Variants in GPC5 observed in about 807,000 individuals in gnomAD.
GPC5 encodes the protein glypican 5.
A neutral mutation model predicts 53.9 loss-of-function variants in GPC5; 47 were observed. The ratio of observed to expected loss-of-function variants is 0.87; its 90% confidence interval spans 0.69 to 1.11. The LOEUF (loss-of-function observed/expected upper bound fraction) is 1.11. Among genes scored for constraint, GPC5 ranks in the 50% most tolerant of loss-of-function variants. The probability of loss-of-function intolerance (pLI) is 0.00; values close to 1 mark genes in which losing one functional copy is unlikely to be tolerated. For missense variants in GPC5, 748 were observed against 713.1 expected (o/e 1.05, Z -0.56); for synonymous variants, 286 against 263.3 (o/e 1.09, Z -0.84).
intron 2 of GPC5, among the ~76,000 whole-genome samples, chr13:91,454,363 A>G (rs1594110341): frequency 6.6e-6 from 1 of 152,186 alleles, no homozygotes; most frequent in Middle Eastern, 3.4e-3. Context: ...CTAAGAAGTA[A>G]ACTTTTAGTT....
At chr13:91,772,614 G>A (rs2037644115) in intron 5 of GPC5, among the ~76,000 whole-genome samples, 2 of 152,188 alleles carry the variant, frequency 1.3e-5, no homozygotes, top group Non-Finnish European at 2.9e-5. Flanking sequence ...TAGAGAAGAA[G>A]GAAGATATTT....
At chr13:92,218,112 G>C (rs71427537) in intron 7 of GPC5, among the ~76,000 whole-genome samples, 2 of 151,750 alleles carry the variant, frequency 1.3e-5, no homozygotes, top group South Asian at 2.1e-4. Context: ...AAATTTAGTA[G>C]AGATGGCGTC....
At chr13:91,532,315 A>G (rs543228375) in intron 2 of GPC5, among the ~76,000 whole-genome samples, 8 of 152,226 alleles carry the variant, frequency 5.3e-5, no homozygotes, top group Non-Finnish European at 8.8e-5. Flanking sequence ...GAATGATTCT[A>G]AATGGAAACA....
At chr13:92,732,600 A>AAG (rs1888837783) in intron 7 of GPC5, among the ~76,000 whole-genome samples, 1 of 151,644 alleles carries the variant, frequency 6.6e-6, no homozygotes, top group Non-Finnish European at 1.5e-5. Context: ...AAAGTTAGCA[A>AAG]ATGAAAGAAA....
At chr13:91,496,815 G>A (rs1409712948) in intron 2 of GPC5, among the ~76,000 whole-genome samples, 4 of 152,038 alleles carry the variant, frequency 2.6e-5, no homozygotes, top group Admixed American at 2.0e-4. Context: ...ATGCTTGAGG[G>A]GATGGATACC....
intron 2 of GPC5, among the ~76,000 whole-genome samples, chr13:91,575,663 T>C (rs989391999): frequency 6.6e-6 from 1 of 152,178 alleles, no homozygotes; most frequent in Non-Finnish European, 1.5e-5. Flanking sequence ...CCTCTGTGTA[T>C]GTTAATTAGA....
chr13:92,139,599 A>G (rs10851324), intron 6 of GPC5, among the ~76,000 whole-genome samples: 85,909 of 149,016 alleles, frequency 0.58, 24,951 homozygotes, highest in Non-Finnish European at 0.61. Flanking sequence ...CCTGGGAGGC[A>G]GAGGTTGCAG....
In GPC5 at chr13:91,551,784, G is replaced by A. The variant is rs183340241; in HGVS notation, c.325+102862G>A. Among the ~76,000 whole-genome samples, 67 of 152,174 alleles carry A rather than the reference G, an allele frequency of 4.4e-4. 2 individuals are homozygous for A. The highest frequency in any genetic ancestry group is 1.0e-4 in the Non-Finnish European group (7 of 67,972). ...AGAATGTATTTGGTTCTTAACACTAGGAGAGAAAGAGCAACATTATTCATG... is the reference window on the plus strand; with the variant it reads ...AGAATGTATTTGGTTCTTAACACTAAGAGAGAAAGAGCAACATTATTCATG... On this transcript the variant is annotated intron_variant, in intron 2 of 7. Coordinates refer to ENST00000377067, the MANE Select transcript of GPC5 (RefSeq NM_004466.6).
intron 7 of GPC5, among the ~76,000 whole-genome samples, chr13:92,350,429 A>G (rs1456491122): frequency 2.0e-5 from 3 of 152,190 alleles, no homozygotes; most frequent in Non-Finnish European, 4.4e-5. Flanking sequence ...TAAGTAAAAC[A>G]AGGTAGGCAC....
intron 7 of GPC5, among the ~76,000 whole-genome samples, chr13:92,502,914 A>T (rs1436167761): frequency 6.6e-6 from 1 of 152,018 alleles, no homozygotes; most frequent in Admixed American, 6.6e-5. Context: ...CACAAGGAAC[A>T]TTCACCAAGA....
chr13:92,391,007 A>T (rs1020553724), intron 7 of GPC5, among the ~76,000 whole-genome samples: 2 of 152,144 alleles, frequency 1.3e-5, no homozygotes, highest in African/African-American at 4.8e-5. Context: ...TAAAATTATG[A>T]AATTATACAA....
intron 7 of GPC5, among the ~76,000 whole-genome samples, chr13:92,429,850 A>G (rs1877007535): frequency 6.6e-6 from 1 of 152,116 alleles, no homozygotes; most frequent in African/African-American, 2.4e-5. Context: ...ACAAAGAGAG[A>G]TGTTGGTCAA....
intron 7 of GPC5, among the ~76,000 whole-genome samples, chr13:92,556,737 G>A (rs2139023274): frequency 6.6e-6 from 1 of 151,822 alleles, no homozygotes; most frequent in South Asian, 2.1e-4. Context: ...CATCCAGAGA[G>A]CAATTAAATT....
At chr13:92,032,685 G>A (rs2040862012) in intron 6 of GPC5, among the ~76,000 whole-genome samples, 1 of 152,024 alleles carries the variant, frequency 6.6e-6, no homozygotes, top group African/African-American at 2.4e-5. Context: ...TGTAACTAAA[G>A]CACACAAATT....
intron 7 of GPC5, among the ~76,000 whole-genome samples, chr13:92,165,821 A>G (rs188886164): frequency 3.9e-4 from 59 of 152,312 alleles, no homozygotes; most frequent in African/African-American, 1.3e-3. Flanking sequence ...TCCATGTATT[A>G]ACATATGTAA....
chr13:91,631,142 A>G (rs2034147851), intron 2 of GPC5, among the ~76,000 whole-genome samples: 1 of 152,164 alleles, frequency 6.6e-6, no homozygotes, highest in African/African-American at 2.4e-5. Context: ...GGATGAATAT[A>G]CCAGCATAGC....
intron 7 of GPC5, among the ~76,000 whole-genome samples, chr13:92,819,366 A>C (rs1877597588): frequency 1.3e-5 from 2 of 152,200 alleles, no homozygotes; most frequent in South Asian, 4.1e-4. Flanking sequence ...TGCTGTCAAA[A>C]CGAATGAAGA....
chr13:91,640,077 G>A (rs1410263598), intron 2 of GPC5, among the ~76,000 whole-genome samples: 1 of 151,382 alleles, frequency 6.6e-6, no homozygotes. Context: ...CTAGCTTTCT[G>A]TTCTTTAAAG....
intron 7 of GPC5, among the ~76,000 whole-genome samples, chr13:92,698,342 G>T (rs887541988): frequency 2.0e-5 from 3 of 152,098 alleles, no homozygotes; most frequent in African/African-American, 7.2e-5. Context: ...ACAGGCACTG[G>T]TGTGTGATGT....
Sources: allele counts gnomAD v4.1 joint callset (sites outside exome capture counted in the v4.1 genomes callset), GRCh38; gene constraint gnomAD v4.1.1; transcripts MANE v1.5; gene names NCBI Gene and HGNC (gene_info 2026-07-23, HGNC 2026-07-21).